Variants in KDM4B observed in about 807,000 individuals in gnomAD.
The protein encoded by KDM4B is lysine demethylase 4B.
Under a neutral mutation model 125.2 loss-of-function variants are expected in KDM4B, and 32 were observed. The observed-to-expected ratio is 0.26, with a 90% CI of 0.19 to 0.34. The LOEUF is 0.34. Among genes scored for constraint, KDM4B ranks in the 10% least tolerant of loss-of-function variants. The pLI is 1.00. For synonymous variants in KDM4B, 721 were observed against 677.9 expected, an observed-to-expected ratio of 1.06 and a Z score of -0.99; for missense variants, 1,190 against 1,577.7, an observed-to-expected ratio of 0.75 and a Z score of 4.16.
At chr19:5,098,654 A>T (rs76044973) in intron 9 of KDM4B, among the ~76,000 whole-genome samples, 1,580 of 152,136 alleles carry the variant, frequency 0.01, 27 homozygotes, top group African/African-American at 0.036. Flanking sequence ...GGGTGATGGT[A>T]TTAAGAGATG....
intron 10 of KDM4B, among the ~76,000 whole-genome samples, chr19:5,118,825 G>A (rs2039304831): frequency 6.6e-6 from 1 of 152,194 alleles, no homozygotes; most frequent in Admixed American, 6.5e-5. Context: ...GGACCTCCCC[G>A]ATGTACCCCA....
At chr19:5,041,283 C>A in intron 5 of KDM4B, 32 bp downstream of exon 5, 1 of 1,544,586 alleles carries the variant, frequency 6.5e-7, no homozygotes, top group Non-Finnish European at 8.9e-7. Flanking sequence ...AGAACAGGGA[C>A]CAGCTTCCTG....
intron 1 of KDM4B, among the ~76,000 whole-genome samples, chr19:4,989,459 TCCC>T (rs1158824583): frequency 1.3e-5 from 2 of 151,094 alleles, no homozygotes; most frequent in East Asian, 2.0e-4. Context: ...TGCCTCAGCC[TCCC>T]CCAGTAGCTG....
intron 6 of KDM4B, among the ~76,000 whole-genome samples, chr19:5,064,929 C>A (rs1008005065): frequency 2.0e-5 from 3 of 152,226 alleles, no homozygotes; most frequent in Admixed American, 2.0e-4. Context: ...GAGGCAGCGG[C>A]CCTGCTGTCA....
chr19:5,010,470 T>A (rs2035693182), intron 1 of KDM4B, among the ~76,000 whole-genome samples: 1 of 152,214 alleles, frequency 6.6e-6, no homozygotes, highest in Non-Finnish European at 1.5e-5. Context: ...GAACATGTCC[T>A]GTTCCTTCAA....
In KDM4B at chr19:5,059,391, C is replaced by T. The variant is rs188120785; in HGVS notation, c.627-11619C>T. 1.5e-3 allele frequency among the ~76,000 whole-genome samples: 232 copies of T among 152,338 alleles called. 2 individuals carry two copies. Among genetic ancestry groups the T allele is most frequent in the African/African-American group, 5.1e-3 (212 of 41,564 alleles). On this transcript the variant is annotated intron_variant, in intron 6 of 22. Transcript: ENST00000159111. The stretch of plus-strand genomic sequence containing the variant: ...ATGCTAATGGCCCTCATTCAGCAGC[C>T]TCCCGCCGAGGGCTCGGGCCGCTTG...
chr19:5,086,523 C>T (rs764620180), intron 9 of KDM4B, among the ~76,000 whole-genome samples: 1 of 152,204 alleles, frequency 6.6e-6, no homozygotes, highest in East Asian at 1.9e-4. Flanking sequence ...CTGCTTCGCC[C>T]CGCGGAGTTG....
At chr19:5,041,279 G>C (rs770120269) in intron 5 of KDM4B, 28 bp downstream of exon 5, 29 of 1,559,110 alleles carry the variant, frequency 1.9e-5, no homozygotes, top group Non-Finnish European at 2.5e-5. Flanking sequence ...GGGAAGAACA[G>C]GGACCAGCTT....
At chr19:5,002,832 T>G (rs1207544901) in intron 1 of KDM4B, among the ~76,000 whole-genome samples, 1 of 151,854 alleles carries the variant, frequency 6.6e-6, no homozygotes, top group African/African-American at 2.4e-5. Flanking sequence ...ATGCCTGTGG[T>G]CCCACCTACT....
intron 1 of KDM4B, among the ~76,000 whole-genome samples, chr19:4,996,540 A>ATT (rs35219542): frequency 4.2e-4 from 60 of 142,134 alleles, no homozygotes; most frequent in Non-Finnish European, 6.8e-4. Flanking sequence ...CATCTGGCTA[A>ATT]TTTTTTTTTT....
chr19:5,122,482 A>G (rs1402413177), intron 11 of KDM4B, among the ~76,000 whole-genome samples: 2 of 152,258 alleles, frequency 1.3e-5, no homozygotes, highest in Non-Finnish European at 2.9e-5. Flanking sequence ...CATTTCTGTC[A>G]AAAGAGAACT....
intron 11 of KDM4B, among the ~76,000 whole-genome samples, chr19:5,128,167 C>T (rs1205124004): frequency 1.3e-5 from 2 of 152,196 alleles, no homozygotes; most frequent in African/African-American, 4.8e-5. Flanking sequence ...GCTGGAGTCC[C>T]CTGTGTGCGG....
At chr19:5,136,782 C>T (rs2039655847) in intron 15 of KDM4B, among the ~76,000 whole-genome samples, 1 of 152,208 alleles carries the variant, frequency 6.6e-6, no homozygotes, top group Non-Finnish European at 1.5e-5. Context: ...CCCTGGGGGG[C>T]AGGCGGCACC....
At chr19:5,071,475 C>T (rs1453918966) in intron 7 of KDM4B, among the ~76,000 whole-genome samples, 1 of 152,260 alleles carries the variant, frequency 6.6e-6, no homozygotes, top group Non-Finnish European at 1.5e-5. Flanking sequence ...GTCCGCTTAC[C>T]TGCGGGGGAG....
At position 5,041,368 on chromosome 19, in the gene KDM4B, C is replaced by CCCTCGCCCAGGCTCTGGATGCGGG. The variant is rs1281911762; in HGVS notation, c.432+126_432+149dup. On this transcript the variant is annotated intron_variant, in intron 5 of 22. Coordinates refer to ENST00000159111, the MANE Select transcript of KDM4B (RefSeq NM_015015.3). ...AGCTTCCAGGCAGGCAAGGTTAACC[C>CCCTCGCCCAGGCTCTGGATGCGGG]CCTCGCCCAGGCTCTGGATGCGGGC... 1.7e-4 allele frequency: 123 copies of CCCTCGCCCAGGCTCTGGATGCGGG among 708,410 alleles called. 1 individual carries two copies. In the African/African-American group the frequency reaches 2.0e-3, roughly 12 times the overall value. 43.9% of individuals were successfully genotyped at this position (708,410 alleles called of 1,614,324 possible).
rs542921328 is a variant in KDM4B at position 5,002,892 on chromosome 19, CATGAGCT to C, written c.-108-13360_-108-13354del. On this transcript the variant is annotated intron_variant, in intron 1 of 22. Coordinates refer to ENST00000159111, the MANE Select transcript of KDM4B (RefSeq NM_015015.3). ...CTTGAGCCCAGGAGTTCAAGGCTGCCATGAGCTATGATCACACCACTGTACTCCAGCC... is the reference window on the plus strand; with the variant it reads ...CTTGAGCCCAGGAGTTCAAGGCTGCCATGATCACACCACTGTACTCCAGCC... 9.0e-4 allele frequency among the ~76,000 whole-genome samples: 137 copies of C among 152,076 alleles called. 2 individuals are homozygous for C. Among genetic ancestry groups the C allele is most frequent in the African/African-American group, 2.8e-3 (117 of 41,508 alleles).
chr19:5,099,692 CAG>C (rs1027094274), intron 9 of KDM4B, among the ~76,000 whole-genome samples: 16 of 152,288 alleles, frequency 1.1e-4, no homozygotes, highest in Middle Eastern at 3.4e-3. Flanking sequence ...CATTTGAAAA[CAG>C]GGCCTGAGGG....
rs1285151039 is a variant in KDM4B at position 5,114,720 on chromosome 19, C to CCTCCCCACCTTGTGAGAAGCCCTGAG, written c.1115+3904_1115+3929dup. On this transcript the variant is annotated intron_variant, in intron 10 of 22. Transcript: ENST00000159111. This position sits in a 1 kb window ranked among gnomAD's most constrained non-coding sequence, Gnocchi z 5.8. ...CTCAGCCTGGGGCCAGCCTCCCAGT[C>CCTCCCCACCTTGTGAGAAGCCCTGAG]CTCCCCACCTTGTGAGAAGCCCTGA... Among the ~76,000 whole-genome samples the CCTCCCCACCTTGTGAGAAGCCCTGAG allele has an allele frequency of 2.6e-5, 4 of 152,242 alleles. No homozygotes were observed. Among genetic ancestry groups the CCTCCCCACCTTGTGAGAAGCCCTGAG allele is most frequent in the Non-Finnish European group, 4.4e-5 (3 of 68,034 alleles).
At chr19:5,071,123 A>G in intron 7 of KDM4B, 64 bp downstream of exon 7, 1 of 1,507,848 alleles carries the variant, frequency 6.6e-7, no homozygotes, top group Non-Finnish European at 9.1e-7. Flanking sequence ...GTGGGTGGGG[A>G]AGGGCAGCTG....
Sources: allele counts gnomAD v4.1 joint callset (sites outside exome capture counted in the v4.1 genomes callset), GRCh38; gene constraint gnomAD v4.1.1; non-coding constraint Gnocchi (gnomAD v3.1); transcripts MANE v1.5; gene names NCBI Gene and HGNC (gene_info 2026-07-23, HGNC 2026-07-21).